PLCB4: variants seen among roughly 807,000 people sequenced by gnomAD.
The protein encoded by PLCB4 is phospholipase C beta 4, also known as 1-phosphatidylinositol 4,5-bisphosphate phosphodiesterase beta-4.
In PLCB4, 77 loss-of-function variants were observed where a neutral mutation model predicts 178.8. The observed-to-expected ratio is 0.43, with a 90% CI of 0.36 to 0.52. The LOEUF (loss-of-function observed/expected upper bound fraction) is 0.52, where lower values mean the gene tolerates loss of function less well. PLCB4 is among the 20% of genes least tolerant of loss of function. The pLI is 0.00. For synonymous variants in PLCB4, 496 were observed against 490.8 expected, an observed-to-expected ratio of 1.01 and a Z score of -0.14; for missense variants, 1,024 against 1,453.4, an observed-to-expected ratio of 0.70 and a Z score of 4.80.
chr20:9,406,975 TTTC>T (rs376707305), intron 21 of PLCB4, among the ~76,000 whole-genome samples: 7 of 152,362 alleles, frequency 4.6e-5, no homozygotes, highest in African/African-American at 1.4e-4. Context: ...ACTAATTTGT[TTTC>T]TTTTTTCTGT....
intron 13 of PLCB4, among the ~76,000 whole-genome samples, chr20:9,380,456 A>G (rs1317258526): frequency 6.6e-6 from 1 of 152,180 alleles, no homozygotes; most frequent in African/African-American, 2.4e-5. Flanking sequence ...TGAAATATTA[A>G]AACAACCAAT....
intron 2 of PLCB4, among the ~76,000 whole-genome samples, chr20:9,181,492 A>G (rs1001042879): frequency 5.9e-5 from 9 of 152,102 alleles, no homozygotes; most frequent in African/African-American, 1.9e-4. Context: ...AACAAAAGCC[A>G]TTTCTTACCG....
At chr20:9,097,385 C>T (rs971988104) in intron 2 of PLCB4, among the ~76,000 whole-genome samples, 26 of 151,942 alleles carry the variant, frequency 1.7e-4, no homozygotes, top group African/African-American at 5.8e-4. Flanking sequence ...AACCGCTAGG[C>T]ATGAGTGGTA....
chr20:9,370,988 C>G (rs2036208358), intron 9 of PLCB4: 6 of 453,096 alleles, frequency 1.3e-5, no homozygotes, highest in Non-Finnish European at 2.0e-5. Context: ...AGGGGGACCC[C>G]TGGTCTTAGA....
chr20:9,260,565 G>A (rs2094286784), intron 3 of PLCB4, among the ~76,000 whole-genome samples: 1 of 152,056 alleles, frequency 6.6e-6, no homozygotes, highest in African/African-American at 2.4e-5. Flanking sequence ...TTATATAATT[G>A]TATAGTTATA....
intron 3 of PLCB4, among the ~76,000 whole-genome samples, chr20:9,280,270 C>T (rs977815871): frequency 3.9e-5 from 6 of 151,942 alleles, no homozygotes; most frequent in African/African-American, 9.7e-5. Context: ...GAAAGGAGAT[C>T]CATTGAATTT....
intron 7 of PLCB4, among the ~76,000 whole-genome samples, chr20:9,354,500 G>A (rs1239367261): frequency 6.6e-6 from 1 of 152,142 alleles, no homozygotes; most frequent in Non-Finnish European, 1.5e-5. Context: ...GCAGATTACT[G>A]GGCCCTGCCC....
At chr20:9,309,644 A>G (rs536554382) in intron 4 of PLCB4, among the ~76,000 whole-genome samples, 69 of 152,348 alleles carry the variant, frequency 4.5e-4, no homozygotes, top group Non-Finnish European at 7.6e-4. Flanking sequence ...ATTCCAATTC[A>G]GACTAATAAT....
chr20:9,330,031 G>GA (rs1462034873), intron 4 of PLCB4, among the ~76,000 whole-genome samples: 1 of 152,186 alleles, frequency 6.6e-6, no homozygotes, highest in Non-Finnish European at 1.5e-5. Flanking sequence ...GGTTCTGAGA[G>GA]AGGCGGTGTT....
chr20:9,310,449 G>T (rs2094818339), intron 4 of PLCB4, among the ~76,000 whole-genome samples: 1 of 152,148 alleles, frequency 6.6e-6, no homozygotes, highest in African/African-American at 2.4e-5. Context: ...AGTGTCTTAT[G>T]CCTGTAATCC....
intron 2 of PLCB4, among the ~76,000 whole-genome samples, chr20:9,114,525 C>G (rs750330754): frequency 2.8e-4 from 42 of 152,236 alleles, no homozygotes; most frequent in Non-Finnish European, 5.1e-4. Context: ...GTGTTAAACA[C>G]TAATAATGTT....
intron 38 of PLCB4, among the ~76,000 whole-genome samples, chr20:9,476,441 T>C (rs1257155304): frequency 6.6e-6 from 1 of 152,096 alleles, no homozygotes; most frequent in Non-Finnish European, 1.5e-5. Context: ...AGGTAAAAGG[T>C]TTTGCTTAAA....
intron 2 of PLCB4, among the ~76,000 whole-genome samples, chr20:9,173,573 G>T (rs1301325302): frequency 6.6e-6 from 1 of 152,148 alleles, no homozygotes; most frequent in African/African-American, 2.4e-5. Context: ...AGGTTCTGGG[G>T]GAGATAATGT....
chr20:9,398,024 C>A (rs1997696), intron 19 of PLCB4, among the ~76,000 whole-genome samples: 63,945 of 151,908 alleles, frequency 0.42, 15,578 homozygotes, highest in African/African-American at 0.69. Flanking sequence ...CTGGGAGCTC[C>A]GCTGGGCCTC....
At chr20:9,392,529 C>A (rs2038231810) in intron 17 of PLCB4, among the ~76,000 whole-genome samples, 1 of 152,140 alleles carries the variant, frequency 6.6e-6, no homozygotes, top group African/African-American at 2.4e-5. Context: ...CATGAATAGG[C>A]CTTATATTCC....
chr20:9,154,831 C>T (rs1019224982), intron 2 of PLCB4, among the ~76,000 whole-genome samples: 3 of 146,944 alleles, frequency 2.0e-5, no homozygotes, highest in African/African-American at 7.5e-5. Flanking sequence ...CCTTTCCCTC[C>T]CTTCTTTCCT....
chr20:9,097,069 G>A (rs947969743), intron 2 of PLCB4, among the ~76,000 whole-genome samples: 4 of 151,688 alleles, frequency 2.6e-5, no homozygotes, highest in African/African-American at 9.7e-5. Flanking sequence ...GAAGTAGGTG[G>A]GTCTATAGGT....
rs191027675 is a variant in PLCB4 at position 9,427,240 on chromosome 20, C to A, written c.2524+3288C>A. Among the ~76,000 whole-genome samples the A allele has an allele frequency of 1.3e-3, 194 of 152,064 alleles. 3 individuals are homozygous for A. Among genetic ancestry groups the A allele is most frequent in the African/African-American group, 4.7e-3 (194 of 41,474 alleles). Reference sequence around the variant, plus strand: ...ACTCTGTCTCCAAAAACAACAACAACAACAAAATAACTCCCAAAAGACACA... The same window carrying A: ...ACTCTGTCTCCAAAAACAACAACAAAAACAAAATAACTCCCAAAAGACACA... On this transcript the variant is annotated intron_variant, in intron 28 of 39. Coordinates refer to ENST00000378473, the MANE Select transcript of PLCB4 (RefSeq NM_001377142.1).
chr20:9,466,553 C>G (rs576187481), intron 35 of PLCB4, among the ~76,000 whole-genome samples: 8 of 152,272 alleles, frequency 5.3e-5, no homozygotes, highest in South Asian at 2.1e-4. Flanking sequence ...GGGCTAATAT[C>G]CAGAATCTAC....
Sources: gnomAD v4.1 joint callset for allele counts (sites outside exome capture counted in the v4.1 genomes callset) on GRCh38, gnomAD v4.1.1 for gene constraint, MANE v1.5 for transcripts, NCBI Gene and HGNC (gene_info 2026-07-23, HGNC 2026-07-21) for gene names.